Variants in GNAI3 observed in about 807,000 individuals in gnomAD.
The protein encoded by GNAI3 is G protein subunit alpha i3.
GNAI3 carries 12 observed loss-of-function variants against 41.8 expected under a neutral mutation model. The ratio of observed to expected loss-of-function variants is 0.29; its 90% CI spans 0.18 to 0.47. The LOEUF (loss-of-function observed/expected upper bound fraction) is 0.47, where lower values mean the gene tolerates loss of function less well. GNAI3 is among the 20% of genes least tolerant of loss of function. The pLI is 1.00. For missense variants in GNAI3, 360 were observed against 429.6 expected (o/e 0.84, Z 1.43); for synonymous variants, 132 against 146.5 (o/e 0.90, Z 0.71).
At chr1:109,562,204 A>T (rs1174920473) in intron 1 of GNAI3, among the ~76,000 whole-genome samples, 3 of 151,764 alleles carry the variant, frequency 2.0e-5, no homozygotes, top group Non-Finnish European at 4.4e-5. Flanking sequence ...AAATACTGGG[A>T]AAAATTAAAT....
intron 4 of GNAI3, among the ~76,000 whole-genome samples, chr1:109,580,339 G>T (rs938539746): frequency 6.6e-6 from 1 of 152,066 alleles, no homozygotes; most frequent in Non-Finnish European, 1.5e-5. Context: ...GGGGCCTGGT[G>T]AGCACTTGTT....
rs1319848973 is a variant in GNAI3, at chr1:109,595,629, A to C, written c.*3307A>C. 6.6e-6 allele frequency: 1 copy of C among 152,124 alleles called. No homozygotes were observed. The highest frequency in any genetic ancestry group is 1.5e-5 in the Non-Finnish European group (1 of 68,036). 9.4% of individuals were successfully genotyped at this position (152,124 alleles called of 1,614,324 possible). On this transcript the variant is annotated 3_prime_UTR_variant, in exon 9 of 9. Coordinates refer to ENST00000369851, the MANE Select transcript of GNAI3 (RefSeq NM_006496.4). ...TTCTGCTCATTATTCTCTCATTTATAGCTGTGACATTCTTTGGACATTACT... is the reference window on the plus strand; with the variant it reads ...TTCTGCTCATTATTCTCTCATTTATCGCTGTGACATTCTTTGGACATTACT...
chr1:109,558,910 A>G (rs907527423), intron 1 of GNAI3, among the ~76,000 whole-genome samples: 21 of 152,060 alleles, frequency 1.4e-4, no homozygotes, highest in African/African-American at 2.9e-4. Flanking sequence ...CAGGCGCAGT[A>G]TCTCACACCT....
intron 1 of GNAI3, among the ~76,000 whole-genome samples, chr1:109,567,121 A>G (rs572897865): frequency 6.6e-6 from 1 of 152,262 alleles, no homozygotes; most frequent in Non-Finnish European, 1.5e-5. Flanking sequence ...GTCTGTGCCT[A>G]TTCTAGTCAT....
At position 109,560,739 on chromosome 1, in the gene GNAI3, A is replaced by G. The variant is rs146546132; in HGVS notation, c.118+11901A>G. On this transcript the variant is annotated intron_variant, in intron 1 of 8. Coordinates refer to ENST00000369851, the MANE Select transcript of GNAI3 (RefSeq NM_006496.4). Reference sequence around the variant, plus strand: ...CTAATTTAAATTTTTGGTAGACATGAGGTCTCTCTACAGTGCCCAGGGTAG... The same window carrying G: ...CTAATTTAAATTTTTGGTAGACATGGGGTCTCTCTACAGTGCCCAGGGTAG... Among the ~76,000 whole-genome samples, 995 of 152,254 alleles carry G rather than the reference A, an allele frequency of 6.5e-3. 12 individuals are homozygous for G. Among genetic ancestry groups the G allele is most frequent in the South Asian group, 0.051 (244 of 4,822 alleles).
Position 109,598,866 on chromosome 1 carries a change from A to G in GNAI3, c.*6544A>G, listed in dbSNP as rs549123961. On this transcript the variant is annotated 3_prime_UTR_variant, in exon 9 of 9. Coordinates refer to ENST00000369851, the MANE Select transcript of GNAI3 (RefSeq NM_006496.4). ...ACTTGCAGTCCCTGGCCCAACACCG[A>G]AATCCTTCTGGAATCTGTGCTCTGG... 1 of 533,970 alleles carries G rather than the reference A, an allele frequency of 1.9e-6. No individual in the cohort carries two copies. The highest frequency in any genetic ancestry group is 3.9e-6 in the Non-Finnish European group (1 of 259,430). 33.1% of individuals were successfully genotyped at this position (533,970 alleles called of 1,614,324 possible). A position where few individuals can be genotyped will look rare whatever the true frequency, so the allele number is the denominator to read the frequency against.
In GNAI3 at chr1:109,594,008, TG is replaced by T. The variant is rs1649234216; in HGVS notation, c.*1687del. On this transcript the variant is annotated 3_prime_UTR_variant, in exon 9 of 9. Coordinates refer to ENST00000369851, the MANE Select transcript of GNAI3 (RefSeq NM_006496.4). ...GCAAGTCATAGCAGTTCAGTGCCTT[TG>T]TTGGTAGTTTTTAACTTTTTTTGTG... is the stretch of plus-strand genomic sequence containing the variant. 1 of 152,678 alleles carries T rather than the reference TG, an allele frequency of 6.5e-6. No individual in the cohort carries two copies. The highest frequency in any genetic ancestry group is 2.1e-4 in the South Asian group (1 of 4,834). 9.5% of individuals were successfully genotyped at this position (152,678 alleles called of 1,614,324 possible).
intron 5 of GNAI3, among the ~76,000 whole-genome samples, chr1:109,584,250 A>C (rs1239778528): frequency 6.6e-6 from 1 of 152,218 alleles, no homozygotes; most frequent in Non-Finnish European, 1.5e-5. Context: ...CTGGTGCAGG[A>C]AAATAGCAGT....
chr1:109,575,132 A>G (rs1043973908), intron 3 of GNAI3, among the ~76,000 whole-genome samples: 4 of 152,354 alleles, frequency 2.6e-5, no homozygotes, highest in Non-Finnish European at 5.9e-5. Flanking sequence ...TTTGTGAAAT[A>G]TATCACAGAG....
Position 109,586,318 on chromosome 1 carries a change from C to G in GNAI3, c.693C>G (p.Asp231Glu). ...IIFCVALSDY[D>E]LVLAEDEEMN... ...TCTGTGTGGCCCTCAGTGATTATGA[C>G]CTTGTTCTGGCTGAGGACGAGGAGA... is the stretch of plus-strand genomic sequence containing the variant. Residue 231 changes from aspartate (D) to glutamate (E), a missense_variant, in exon 6 of 9, where the codon GAC (aspartate) becomes GAG (glutamate). Physicochemically the swap from Asp to Glu is conservative, Grantham distance 45 (BLOSUM62 2). Transcript: ENST00000369851. 1 of 1,612,734 alleles carries G rather than the reference C, an allele frequency of 6.2e-7. No homozygotes were observed. The highest frequency in any genetic ancestry group is 8.5e-7 in the Non-Finnish European group (1 of 1,179,240).
intron 7 of GNAI3, among the ~76,000 whole-genome samples, chr1:109,589,012 G>A (rs1470769865): frequency 6.6e-6 from 1 of 152,186 alleles, no homozygotes; most frequent in Non-Finnish European, 1.5e-5. Flanking sequence ...CTGAATTCAT[G>A]TATAGGAATG....
intron 5 of GNAI3, among the ~76,000 whole-genome samples, chr1:109,585,687 A>G (rs1488297530): frequency 2.0e-5 from 3 of 152,096 alleles, no homozygotes; most frequent in African/African-American, 7.2e-5. Flanking sequence ...GTTTGTTAGT[A>G]GTGTACCTTT....
At chr1:109,585,192 C>G (rs371591604) in intron 5 of GNAI3, among the ~76,000 whole-genome samples, 2 of 152,104 alleles carry the variant, frequency 1.3e-5, no homozygotes, top group African/African-American at 2.4e-5. Context: ...CTTCAAACAC[C>G]GATCACAAGT....
Position 109,593,945 on chromosome 1 carries a change from CTAGTT to C in GNAI3, c.*1626_*1630del, listed in dbSNP as rs1649230617. 1 of 152,468 alleles carries C rather than the reference CTAGTT, an allele frequency of 6.6e-6. No homozygotes were observed. The highest frequency in any genetic ancestry group is 1.5e-5 in the Non-Finnish European group (1 of 68,008). The allele number at this position is 152,468 out of a possible 1,614,324, so 9.4% of individuals were successfully genotyped here. A position where few individuals can be genotyped will look rare whatever the true frequency, so the allele number is the denominator to read the frequency against. On this transcript the variant is annotated 3_prime_UTR_variant, in exon 9 of 9. Coordinates refer to ENST00000369851, the MANE Select transcript of GNAI3 (RefSeq NM_006496.4). ...TTTCATCTTTTGATGTGACTTTTCACTAGTTTACAAAAAAAAGGTTGGTGGTCAAC... is the reference window on the plus strand; with the variant it reads ...TTTCATCTTTTGATGTGACTTTTCACTACAAAAAAAAGGTTGGTGGTCAAC...
intron 4 of GNAI3, among the ~76,000 whole-genome samples, chr1:109,581,663 G>A (rs1201863392): frequency 6.6e-6 from 1 of 152,054 alleles, no homozygotes; most frequent in East Asian, 1.9e-4. Context: ...CGAGACAGAC[G>A]AATCACCTGA....
At chr1:109,580,299 G>A (rs1221634757) in intron 4 of GNAI3, among the ~76,000 whole-genome samples, 3 of 152,028 alleles carry the variant, frequency 2.0e-5, no homozygotes, top group Non-Finnish European at 2.9e-5. Context: ...TGCCTGGTCC[G>A]GAATGTATTT....
rs1331096963 is a variant in GNAI3 at position 109,579,350 on chromosome 1, T to C, written c.450T>C (p.Asp150=). The change falls in exon 4 of 9, where the codon GAT becomes GAC. Residue 150 remains aspartate (D), a synonymous_variant. Coordinates refer to ENST00000369851, the MANE Select transcript of GNAI3 (RefSeq NM_006496.4). ...GATCCAGGGAATATCAGCTCAATGATTCTGCTTCATAGTAAGTAATTTTTC... is the reference window on the plus strand; with the variant it reads ...GATCCAGGGAATATCAGCTCAATGACTCTGCTTCATAGTAAGTAATTTTTC... ...FSRSREYQLN[D]SASYYLNDLD... 2.5e-6 allele frequency: 4 copies of C among 1,611,970 alleles called. No homozygotes were observed. The highest frequency in any genetic ancestry group is 2.2e-5 in the East Asian group (1 of 44,860).
At chr1:109,589,117 T>C (rs751405111) in intron 7 of GNAI3, among the ~76,000 whole-genome samples, 5 of 151,986 alleles carry the variant, frequency 3.3e-5, no homozygotes, top group Non-Finnish European at 5.9e-5. Context: ...TCATCAGTAG[T>C]GAAAACATGG....
chr1:109,595,286 T>G lies in GNAI3; in HGVS notation c.*2964T>G, dbSNP rs1438365029. 6.6e-6 allele frequency: 1 copy of G among 152,160 alleles called. No homozygotes were observed. The highest frequency in any genetic ancestry group is 1.5e-5 in the Non-Finnish European group (1 of 68,012). The allele number at this position is 152,160 out of a possible 1,614,324, so 9.4% of individuals were successfully genotyped here. On this transcript the variant is annotated 3_prime_UTR_variant, in exon 9 of 9. Coordinates refer to ENST00000369851, the MANE Select transcript of GNAI3 (RefSeq NM_006496.4). ...ATTCAGCTTTGCAACAGATTTCACC[T>G]CCTAGCATGAAAATTCCAAAAACTT...
Sources: gnomAD v4.1 joint callset for allele counts (sites outside exome capture counted in the v4.1 genomes callset) on GRCh38, gnomAD v4.1.1 for gene constraint, MANE v1.5 for transcripts, NCBI Gene and HGNC (gene_info 2026-07-23, HGNC 2026-07-21) for gene names.